Variants in HERC6 observed in about 807,000 individuals in gnomAD.
HERC6 encodes probable E3 ubiquitin-protein ligase HERC6.
In HERC6, 101 loss-of-function variants were observed where a neutral mutation model predicts 114.5. The observed-to-expected ratio is 0.88, with a 90% confidence interval of 0.75 to 1.04. HERC6 has a LOEUF of 1.04. Ranked by LOEUF, HERC6 falls within the 50% of genes least tolerant of loss-of-function variation. The pLI is 0.00. For missense variants in HERC6, 1,133 were observed against 1,230.9 expected, an observed-to-expected ratio of 0.92 and a Z score of 1.19; for synonymous variants, 408 against 436.2, an observed-to-expected ratio of 0.94 and a Z score of 0.81.
Position 88,378,873 on chromosome 4 carries a change from G to C in HERC6, c.-49G>C. ...AGTCACCAGCGTTCGGGAGCCTGTC[G>C]CAGCGGGACCGACGGAATCCGGAGC... On this transcript the variant is annotated 5_prime_UTR_variant, in exon 1 of 23. Transcript: ENST00000264346. The C allele has an allele frequency of 6.7e-7, 1 of 1,494,398 alleles. No homozygotes were observed. Among genetic ancestry groups the C allele is most frequent in the Non-Finnish European group, 9.0e-7 (1 of 1,114,868 alleles). The allele number at this position is 1,494,398 out of a possible 1,614,324, so 92.6% of individuals were successfully genotyped here.
rs764753612 is a variant in HERC6 at position 88,408,626 on chromosome 4, C to G, written c.1368+9C>G. ...AATGGATTTCTTCCATGGTAATAGC[C>G]AATACTTACTTTAGATATAGAACAA... On this transcript the variant is annotated intron_variant, in intron 11 of 22. Coordinates refer to ENST00000264346, the MANE Select transcript of HERC6 (RefSeq NM_017912.4). 3 of 1,489,350 alleles carry G rather than the reference C, an allele frequency of 2.0e-6. No homozygotes were observed. The highest frequency in any genetic ancestry group is 2.8e-6 in the Non-Finnish European group (3 of 1,084,082). 92.3% of individuals were successfully genotyped at this position (1,489,350 alleles called of 1,614,324 possible). A position where few individuals can be genotyped will look rare whatever the true frequency, so the allele number is the denominator to read the frequency against.
chr4:88,402,741 G>A (rs1285575650), intron 8 of HERC6, among the ~76,000 whole-genome samples: 1 of 152,190 alleles, frequency 6.6e-6, no homozygotes, highest in East Asian at 1.9e-4. Flanking sequence ...AGAAGAGGCA[G>A]ATGACATAGT....
chr4:88,416,960 T>C (rs2148915712), intron 12 of HERC6, among the ~76,000 whole-genome samples: 1 of 152,340 alleles, frequency 6.6e-6, no homozygotes, highest in South Asian at 2.1e-4. Flanking sequence ...AATATAATTA[T>C]TGGCTATTTT....
intron 12 of HERC6, among the ~76,000 whole-genome samples, chr4:88,415,118 G>A (rs1324769981): frequency 1.3e-5 from 2 of 152,160 alleles, no homozygotes; most frequent in African/African-American, 4.8e-5. Flanking sequence ...CTAGTTTCTT[G>A]TGTAACGTTT....
chr4:88,420,447 G>A (rs1736917579), intron 13 of HERC6, among the ~76,000 whole-genome samples: 1 of 152,146 alleles, frequency 6.6e-6, no homozygotes, highest in African/African-American at 2.4e-5. Context: ...CAATTGGAGA[G>A]AGAATGACAA....
intron 12 of HERC6, among the ~76,000 whole-genome samples, chr4:88,413,772 C>A (rs1333403114): frequency 6.6e-6 from 1 of 152,072 alleles, no homozygotes; most frequent in African/African-American, 2.4e-5. Context: ...TGTTTATATA[C>A]CCTTCTACAT....
At chr4:88,415,756 T>G (rs1251741441) in intron 12 of HERC6, among the ~76,000 whole-genome samples, 1 of 152,214 alleles carries the variant, frequency 6.6e-6, no homozygotes, top group Non-Finnish European at 1.5e-5. Flanking sequence ...GACCACCAGG[T>G]CTGATTTCCT....
chr4:88,386,354 C>T (rs538696295), intron 3 of HERC6, among the ~76,000 whole-genome samples: 27 of 151,900 alleles, frequency 1.8e-4, no homozygotes, highest in African/African-American at 5.1e-4. Flanking sequence ...CACAGGTGTG[C>T]GCCACCATGC....
intron 3 of HERC6, among the ~76,000 whole-genome samples, chr4:88,387,568 C>G (rs1315460855): frequency 6.6e-6 from 1 of 152,180 alleles, no homozygotes. Context: ...AAGTGCTTAA[C>G]TACTACGCTG....
chr4:88,425,576 G>A (rs755341058), intron 15 of HERC6, among the ~76,000 whole-genome samples: 1 of 152,048 alleles, frequency 6.6e-6, no homozygotes, highest in African/African-American at 2.4e-5. Context: ...TATAAGCTCC[G>A]ACTGATATTC....
intron 17 of HERC6, among the ~76,000 whole-genome samples, chr4:88,432,565 C>T (rs774958700): frequency 8.6e-5 from 13 of 151,962 alleles, no homozygotes; most frequent in Non-Finnish European, 1.3e-4. Flanking sequence ...ACTGTCTCTA[C>T]TAAAAATACA....
rs1276943850 is a variant in HERC6 at position 88,439,834 on chromosome 4, CTTCCT to C, written c.2556-36_2556-32del. 3.6e-6 allele frequency: 5 copies of C among 1,381,722 alleles called. No homozygotes were observed. The African/African-American group carries it at 4.8e-5, about 13-fold the overall frequency. The allele number at this position is 1,381,722 out of a possible 1,614,324, so 85.6% of individuals were successfully genotyped here. ...AAATCTTTTAATCATTGGCCTTTTC[CTTCCT>C]TTCTTTTTTTTTTTTTTTTTTTGCT... On this transcript the variant is annotated intron_variant, in intron 20 of 22. Coordinates refer to ENST00000264346, the MANE Select transcript of HERC6 (RefSeq NM_017912.4).
At chr4:88,433,633 C>A (rs1467024413) in intron 17 of HERC6, among the ~76,000 whole-genome samples, 2 of 152,208 alleles carry the variant, frequency 1.3e-5, no homozygotes, top group African/African-American at 4.8e-5. Flanking sequence ...GAGTTCTCAT[C>A]AGCAAGAAGG....
At position 88,424,614 on chromosome 4, in the gene HERC6, G is replaced by T. The variant is rs374242352; in HGVS notation, c.1847G>T (p.Ser616Ile). Residue 616 changes from serine (S) to isoleucine (I), a missense_variant, in exon 15 of 23, where the codon AGT becomes ATT. Physicochemically the swap from Ser to Ile is moderately radical, Grantham distance 142. Transcript: ENST00000264346. ...TTTTAGATACCTGCAGAAACCCCCA[G>T]TCCTGTTATTTTCAGTGATTTTCCA... ...DNHLIPAETP[S>I]PVIFSDFPFI... The T allele has an allele frequency of 6.2e-7, 1 of 1,609,082 alleles. No homozygotes were observed. The highest frequency in any genetic ancestry group is 1.3e-5 in the African/African-American group (1 of 74,692).
In HERC6 at chr4:88,431,184, G is replaced by T. The variant is rs943407361; in HGVS notation, c.2129G>T (p.Cys710Phe). The change falls in exon 17 of 23, where the codon TGT (cysteine) becomes TTT (phenylalanine). Residue 710 changes from cysteine (C) to phenylalanine (F), a missense_variant. By Grantham distance (205) the Cys-to-Phe change is radical. Transcript: ENST00000264346. Reference protein sequence around the residue: ...VLVVEFINEICPESGGVSSEF... With the variant: ...VLVVEFINEIFPESGGVSSEF... ...TAGGTTGAATTTATTAATGAAATTT[G>T]TCCTGAGTCTGGAGGGGTTAGTTCA... The T allele has an allele frequency of 6.2e-6, 10 of 1,609,406 alleles. No individual in the cohort carries two copies. The highest frequency in any genetic ancestry group is 8.5e-6 in the Non-Finnish European group (10 of 1,178,470).
chr4:88,424,519 G>T (rs1017301473), intron 14 of HERC6, 76 bp from the exon 15 acceptor site: 1 of 1,069,734 alleles, frequency 9.3e-7, no homozygotes, highest in Admixed American at 2.3e-5. Flanking sequence ...CCAAAAAAAA[G>T]GCGATAAGGT....
At chr4:88,388,717 C>A (rs1297814838) in intron 3 of HERC6, among the ~76,000 whole-genome samples, 1 of 151,902 alleles carries the variant, frequency 6.6e-6, no homozygotes, top group Non-Finnish European at 1.5e-5. Context: ...TGAAGGCTTA[C>A]AGGTAGCAGC....
chr4:88,409,555 G>A (rs1034929677), intron 11 of HERC6, among the ~76,000 whole-genome samples: 1 of 152,158 alleles, frequency 6.6e-6, no homozygotes, highest in East Asian at 1.9e-4. Context: ...TCAGAGCAAT[G>A]CTCGAGAGGT....
At chr4:88,426,900 G>A (rs187663272) in intron 15 of HERC6, among the ~76,000 whole-genome samples, 272 of 152,314 alleles carry the variant, frequency 1.8e-3, no homozygotes, top group Non-Finnish European at 2.8e-3. Flanking sequence ...GGAGAAAATA[G>A]ATTGTCTTTC....
Sources: gnomAD v4.1 joint callset for allele counts (sites outside exome capture counted in the v4.1 genomes callset) on GRCh38, gnomAD v4.1.1 for gene constraint, MANE v1.5 for transcripts, NCBI Gene and HGNC (gene_info 2026-07-23, HGNC 2026-07-21) for gene names.